The following ALPK2 variants were observed in gnomAD, a reference collection of about 807,000 sequenced individuals.
ALPK2 encodes alpha-protein kinase 2.
ALPK2 carries 127 observed loss-of-function variants against 163.1 expected under a neutral mutation model. That is an observed-to-expected ratio of 0.78 (90% CI 0.67 to 0.90). The LOEUF (loss-of-function observed/expected upper bound fraction) is 0.90. Ranked by LOEUF, ALPK2 falls within the 40% of genes least tolerant of loss-of-function variation. The pLI, the probability that ALPK2 is intolerant of heterozygous loss-of-function variation, is 0.00. For missense variants in ALPK2, 2,360 were observed against 2,589.6 expected (o/e 0.91, Z 1.92); for synonymous variants, 953 against 959.1 (o/e 0.99, Z 0.12).
chr18:58,544,183 G>T (rs2051705709), intron 4 of ALPK2: 1 of 152,182 alleles, frequency 6.6e-6, no homozygotes, highest in Non-Finnish European at 1.5e-5. Flanking sequence ...ATGTTTCCAA[G>T]CCTCTTTTTG....
chr18:58,532,700 A>T (rs1274432385), intron 5 of ALPK2, among the ~76,000 whole-genome samples: 1 of 152,236 alleles, frequency 6.6e-6, no homozygotes, highest in African/African-American at 2.4e-5. Context: ...TTAAAAAAAC[A>T]GTAACTAACA....
chr18:58,584,496 G>T (rs2051975858), intron 3 of ALPK2, among the ~76,000 whole-genome samples: 1 of 152,212 alleles, frequency 6.6e-6, no homozygotes, highest in African/African-American at 2.4e-5. Flanking sequence ...TGGCTCTGTG[G>T]TTGCTGTTAG....
chr18:58,573,726 A>C (rs980091171), intron 4 of ALPK2, among the ~76,000 whole-genome samples: 3 of 149,980 alleles, frequency 2.0e-5, no homozygotes, highest in Non-Finnish European at 2.9e-5. Flanking sequence ...CAGCAGATAA[A>C]CATTTTTGTC....
intron 10 of ALPK2, chr18:58,511,767 T>A (rs1024758166): frequency 1.3e-5 from 2 of 152,132 alleles, no homozygotes; most frequent in African/African-American, 4.8e-5. Context: ...CACACAGGCA[T>A]CCTCCTGTGC....
chr18:58,622,070 G>A (rs1014994730), intron 1 of ALPK2, among the ~76,000 whole-genome samples: 1 of 151,540 alleles, frequency 6.6e-6, no homozygotes, highest in Admixed American at 6.6e-5. Flanking sequence ...TGCGAGGCCG[G>A]GCATAGTGGC....
intron 3 of ALPK2, among the ~76,000 whole-genome samples, chr18:58,595,514 G>A (rs942931561): frequency 5.3e-5 from 8 of 152,154 alleles, no homozygotes; most frequent in African/African-American, 9.7e-5. Context: ...AATGGACTCC[G>A]GGGCCCTGGG....
At chr18:58,495,212 T>C (rs1205407760) in intron 12 of ALPK2, among the ~76,000 whole-genome samples, 1 of 152,222 alleles carries the variant, frequency 6.6e-6, no homozygotes, top group Non-Finnish European at 1.5e-5. Context: ...ACTGTGATTG[T>C]AAGATATATT....
At chr18:58,526,011 C>T (rs2051582979) in intron 6 of ALPK2, among the ~76,000 whole-genome samples, 1 of 144,196 alleles carries the variant, frequency 6.9e-6, no homozygotes, top group Non-Finnish European at 1.5e-5. Context: ...CCTTGAGGGT[C>T]TTCTAGTCTG....
At chr18:58,544,078 C>T (rs568945659) in intron 4 of ALPK2, 1 of 152,314 alleles carries the variant, frequency 6.6e-6, no homozygotes, top group Admixed American at 6.5e-5. Flanking sequence ...ATTTCTGAGT[C>T]TCCAGAGCCT....
At chr18:58,614,381 G>A (rs1488793489) in intron 1 of ALPK2, among the ~76,000 whole-genome samples, 2 of 152,132 alleles carry the variant, frequency 1.3e-5, no homozygotes, top group African/African-American at 4.8e-5. Context: ...ATTATTTTTG[G>A]TTATAGAACT....
intron 4 of ALPK2, among the ~76,000 whole-genome samples, chr18:58,550,914 C>T (rs976777958): frequency 1.1e-4 from 16 of 147,446 alleles, no homozygotes; most frequent in African/African-American, 4.0e-4. Context: ...TCACATGCAA[C>T]CCCATCCCCA....
At chr18:58,519,927 G>A (rs1308889181) in intron 8 of ALPK2, among the ~76,000 whole-genome samples, 1 of 152,210 alleles carries the variant, frequency 6.6e-6, no homozygotes, top group Admixed American at 6.5e-5. Context: ...TCATCCTTTA[G>A]ACCAATCTCT....
chr18:58,591,779 A>G (rs2052016077), intron 3 of ALPK2, among the ~76,000 whole-genome samples: 11 of 152,224 alleles, frequency 7.2e-5, no homozygotes. Flanking sequence ...AAGGTAGAGT[A>G]ACTGCGTTGT....
intron 3 of ALPK2, chr18:58,580,790 T>C (rs1001947509): frequency 3.6e-5 from 19 of 523,640 alleles, no homozygotes; most frequent in Non-Finnish European, 6.1e-5. Flanking sequence ...CTGCCTCAAA[T>C]GGAAAATGCT....
intron 1 of ALPK2, among the ~76,000 whole-genome samples, chr18:58,612,169 T>C (rs916930997): frequency 1.3e-5 from 2 of 152,132 alleles, no homozygotes; most frequent in Non-Finnish European, 2.9e-5. Context: ...CGAATCCTAT[T>C]GTCCTAGGCA....
chr18:58,528,893 G>A (rs1362676631), intron 6 of ALPK2, 198 bp downstream of exon 6: 2 of 647,810 alleles, frequency 3.1e-6, no homozygotes, highest in African/African-American at 3.7e-5. Context: ...GGCAAAACCT[G>A]GGCAAGAATC....
chr18:58,619,733 C>T (rs561155257), intron 1 of ALPK2, among the ~76,000 whole-genome samples: 1 of 152,242 alleles, frequency 6.6e-6, no homozygotes, highest in South Asian at 2.1e-4. Context: ...TTTTTCTAAA[C>T]GGGAAATGTG....
chr18:58,621,032 A>T (rs2052196067), intron 1 of ALPK2, among the ~76,000 whole-genome samples: 1 of 151,894 alleles, frequency 6.6e-6, no homozygotes, highest in African/African-American at 2.4e-5. Context: ...GCATGCCTGT[A>T]GTCCCAGTTA....
chr18:58,492,219 T>G (rs1281830094), intron 12 of ALPK2, among the ~76,000 whole-genome samples: 1 of 151,560 alleles, frequency 6.6e-6, no homozygotes, highest in Non-Finnish European at 1.5e-5. Flanking sequence ...CAGACACACA[T>G]GCACACACAT....
Sources: gnomAD v4.1 joint callset for allele counts (sites outside exome capture counted in the v4.1 genomes callset) on GRCh38, gnomAD v4.1.1 for gene constraint, MANE v1.5 for transcripts, NCBI Gene and HGNC (gene_info 2026-07-23, HGNC 2026-07-21) for gene names.